Variants in SPICE1 observed in about 807,000 individuals in gnomAD.
The protein encoded by SPICE1 is spindle and centriole-associated protein 1.
A neutral mutation model predicts 102.7 loss-of-function variants in SPICE1; 75 were observed. That is an observed-to-expected ratio of 0.73 (90% CI 0.61 to 0.88). SPICE1 has a LOEUF of 0.88. Ranked by LOEUF, SPICE1 falls within the 40% of genes least tolerant of loss-of-function variation. The pLI, the probability that SPICE1 is intolerant of heterozygous loss-of-function variation, is 0.00. For missense variants in SPICE1, 979 were observed against 1,020.1 expected, an observed-to-expected ratio of 0.96 and a Z score of 0.55; for synonymous variants, 308 against 350.3, an observed-to-expected ratio of 0.88 and a Z score of 1.35.
At chr3:113,469,316 C>A in intron 7 of SPICE1, 78 bp from the exon 8 acceptor site, 2 of 502,376 alleles carry the variant, frequency 4.0e-6, no homozygotes, top group Non-Finnish European at 2.7e-6. Flanking sequence ...TAAATGATAG[C>A]AGGCATTTAA....
chr3:113,513,785 T>A (rs1166564156), intron 1 of SPICE1, among the ~76,000 whole-genome samples: 1 of 152,222 alleles, frequency 6.6e-6, no homozygotes, highest in Non-Finnish European at 1.5e-5. Context: ...CTTTCACTCT[T>A]CACTCACTGA....
chr3:113,510,247 T>C, intron 1 of SPICE1, among the ~76,000 whole-genome samples: 1 of 152,276 alleles, frequency 6.6e-6, no homozygotes, highest in Non-Finnish European at 1.5e-5. Context: ...ACCATTAACA[T>C]CTTCACAGAA....
intron 7 of SPICE1, among the ~76,000 whole-genome samples, chr3:113,470,118 T>C (rs1044232303): frequency 2.6e-5 from 4 of 152,212 alleles, no homozygotes; most frequent in African/African-American, 9.6e-5. Context: ...AACTGTCTCA[T>C]TTGTCTATTT....
intron 11 of SPICE1, among the ~76,000 whole-genome samples, chr3:113,464,623 TCTAA>T (rs1349595874): frequency 6.6e-6 from 1 of 152,176 alleles, no homozygotes; most frequent in Non-Finnish European, 1.5e-5. Flanking sequence ...TAATTTATCT[TCTAA>T]CTATTACTTG....
chr3:113,504,008 T>C (rs1252735198), intron 2 of SPICE1, among the ~76,000 whole-genome samples: 1 of 149,780 alleles, frequency 6.7e-6, no homozygotes, highest in Admixed American at 6.7e-5. Context: ...ATCTTAAGCA[T>C]AGATGCTACT....
At chr3:113,470,706 C>T (rs1332286199) in intron 7 of SPICE1, among the ~76,000 whole-genome samples, 1 of 152,188 alleles carries the variant, frequency 6.6e-6, no homozygotes. Flanking sequence ...GATCCATAGG[C>T]ACAGAGGCCA....
Position 113,460,645 on chromosome 3 carries a change from G to A in SPICE1, c.1407C>T (p.Ala469=). 1.2e-6 allele frequency: 2 copies of A among 1,613,444 alleles called. No individual in the cohort carries two copies. Among genetic ancestry groups the A allele is most frequent in the Non-Finnish European group, 1.7e-6 (2 of 1,179,684 alleles). The change falls in exon 12 of 18, where the codon GCC becomes GCT. Residue 469 remains alanine (A), a synonymous_variant. Transcript: ENST00000295872. ...GACTGTCCATAACTCTTCTACCTGT[G>A]GCTCCGCTTTCTGATGCCTGAATTT... ...RQEIQASESG[A]TGRRVMDSPE...
intron 7 of SPICE1, among the ~76,000 whole-genome samples, chr3:113,472,250 C>T (rs1055024171): frequency 6.6e-6 from 1 of 152,272 alleles, no homozygotes; most frequent in African/African-American, 2.4e-5. Context: ...CGCCATTGCC[C>T]AGGCTTGCTT....
rs771910141 is a variant in SPICE1 at position 113,468,913 on chromosome 3, C to G, written c.752-14G>C. On this transcript the variant is annotated splice_polypyrimidine_tract_variant and intron_variant, in intron 8 of 17. Coordinates refer to ENST00000295872, the MANE Select transcript of SPICE1 (RefSeq NM_144718.4). ...CATTCAGAGCAGCTAAAAGGAAGAA[C>G]ATTTCCAAAAGTATCTCAAGTGAAC... 6.3e-7 allele frequency: 1 copy of G among 1,598,696 alleles called. No homozygotes were observed. Among genetic ancestry groups the G allele is most frequent in the South Asian group, 1.1e-5 (1 of 87,764 alleles).
chr3:113,486,106 A>T (rs1281746101), intron 7 of SPICE1, among the ~76,000 whole-genome samples: 1 of 151,576 alleles, frequency 6.6e-6, no homozygotes, highest in Non-Finnish European at 1.5e-5. Context: ...ATGAGACTCC[A>T]TCTCAAAAAA....
intron 14 of SPICE1, among the ~76,000 whole-genome samples, chr3:113,452,963 G>A (rs1193870171): frequency 6.6e-6 from 1 of 152,086 alleles, no homozygotes; most frequent in Non-Finnish European, 1.5e-5. Context: ...GGGCAACAGA[G>A]CAAGACTCCG....
chr3:113,468,555 C>A, intron 9 of SPICE1, 151 bp from the exon 10 acceptor site: 1 of 1,122,850 alleles, frequency 8.9e-7, no homozygotes. Flanking sequence ...ACAGTTTAAA[C>A]CAGATTTACA....
At chr3:113,503,254 A>T in intron 2 of SPICE1, 27 bp from the exon 3 acceptor site, 5 of 1,303,208 alleles carry the variant, frequency 3.8e-6, no homozygotes, top group East Asian at 2.8e-5. Flanking sequence ...CCTTTCTTTA[A>T]AAAAAAAAAA....
chr3:113,511,367 C>T (rs1937218327), intron 1 of SPICE1, among the ~76,000 whole-genome samples: 3 of 152,134 alleles, frequency 2.0e-5, no homozygotes, highest in African/African-American at 4.8e-5. Context: ...ACCCAAATGC[C>T]CATCATTGAT....
intron 7 of SPICE1, among the ~76,000 whole-genome samples, chr3:113,478,034 A>G (rs1023549878): frequency 1.3e-5 from 2 of 152,024 alleles, no homozygotes; most frequent in African/African-American, 2.4e-5. Flanking sequence ...AAAGAAAACA[A>G]GATTAAGGGC....
chr3:113,467,952 G>T (rs1464112960), intron 10 of SPICE1, among the ~76,000 whole-genome samples, 187 bp downstream of exon 10: 2 of 152,182 alleles, frequency 1.3e-5, no homozygotes. Context: ...ATCTGAGCAT[G>T]TATCAACTAA....
rs1283475437 is a variant in SPICE1, at chr3:113,460,755, G to C, written c.1297C>G (p.Gln433Glu). The C allele has an allele frequency of 5.0e-6, 8 of 1,599,794 alleles. No homozygotes were observed. Among genetic ancestry groups the C allele is most frequent in the African/African-American group, 1.3e-5 (1 of 74,274 alleles). Residue 433 changes from glutamine (Q) to glutamate (E), a missense_variant, in exon 12 of 18, where the codon CAG becomes GAG. Physicochemically the swap from Gln to Glu is conservative, Grantham distance 29. Coordinates refer to ENST00000295872, the MANE Select transcript of SPICE1 (RefSeq NM_144718.4). Reference sequence around the variant, plus strand: ...TCATCTGTTGTGACCATGTACTGCTGAAGTCTTGCCTGGGGAGGAAAACAT... The same window carrying C: ...TCATCTGTTGTGACCATGTACTGCTCAAGTCTTGCCTGGGGAGGAAAACAT... ...EENAATQARL[Q>E]QYMVTTDEQL...
chr3:113,457,733 A>C (rs1244901011), intron 12 of SPICE1, among the ~76,000 whole-genome samples: 1 of 152,088 alleles, frequency 6.6e-6, no homozygotes, highest in South Asian at 2.1e-4. Flanking sequence ...ATCTTGGCTC[A>C]CTGAAGCCTC....
At chr3:113,506,358 G>A (rs1412503070) in intron 2 of SPICE1, 149 bp downstream of exon 2, 1 of 614,510 alleles carries the variant, frequency 1.6e-6, no homozygotes, top group African/African-American at 1.8e-5. Context: ...TTCCCTCCAA[G>A]ACCTAGAATA....
Sources: gnomAD v4.1 joint callset for allele counts (sites outside exome capture counted in the v4.1 genomes callset) on GRCh38, gnomAD v4.1.1 for gene constraint, MANE v1.5 for transcripts, NCBI Gene and HGNC (gene_info 2026-07-23, HGNC 2026-07-21) for gene names.